Variants in PPP4R1 observed in about 807,000 individuals in gnomAD.
PPP4R1 encodes the protein serine/threonine-protein phosphatase 4 regulatory subunit 1.
A neutral mutation model predicts 111.2 loss-of-function variants in PPP4R1; 42 were observed. The observed-to-expected ratio is 0.38, with a 90% confidence interval of 0.29 to 0.49. PPP4R1 has a LOEUF of 0.49. Among genes scored for constraint, PPP4R1 ranks in the 20% least tolerant of loss-of-function variants. PPP4R1 has a pLI of 0.97. For missense variants in PPP4R1, 1,012 were observed against 1,161.6 expected (o/e 0.87, Z 1.87); for synonymous variants, 409 against 405.5 (o/e 1.01, Z -0.10).
intron 11 of PPP4R1, among the ~76,000 whole-genome samples, chr18:9,569,574 T>TCA (rs1379780409): frequency 6.6e-6 from 1 of 152,198 alleles, no homozygotes; most frequent in Non-Finnish European, 1.5e-5. Context: ...GAGTGATTTG[T>TCA]CAATCAACAA....
chr18:9,588,127 G>A lies in PPP4R1; in HGVS notation c.547C>T (p.Pro183Ser). 6.2e-7 allele frequency: 1 copy of A among 1,614,058 alleles called. No individual in the cohort carries two copies. Among genetic ancestry groups the A allele is most frequent in the African/African-American group, 1.3e-5 (1 of 75,018 alleles). The change falls in exon 6 of 20, where the codon CCA (proline) becomes TCA (serine). Residue 183 changes from proline (P) to serine (S), a missense_variant. By Grantham distance (74) the Pro-to-Ser change is moderately conservative (BLOSUM62 -1). Coordinates refer to ENST00000400556, the MANE Select transcript of PPP4R1 (RefSeq NM_001042388.3). ...GTTTTCACATCATCATTGCTATCTG[G>A]GGCTGTCAGCTCTATGAGGACAGGG... ...VCPVLIELTA[P>S]DSNDDVKTEA...
rs56233721 is a variant in PPP4R1, at chr18:9,561,188, T to C, written c.1842+792A>G. ...AAGCTGAGATGGTGCCACTGCACTC[T>C]AGCCTGGGTGACAGAGTGAGACTCC... On this transcript the variant is annotated intron_variant, in intron 13 of 19. Coordinates refer to ENST00000400556, the MANE Select transcript of PPP4R1 (RefSeq NM_001042388.3). 8.9e-3 allele frequency among the ~76,000 whole-genome samples: 1,331 copies of C among 149,286 alleles called. 20 individuals are homozygous for C. The highest frequency in any genetic ancestry group is 0.031 in the African/African-American group (1,262 of 40,798).
intron 2 of PPP4R1, chr18:9,612,360 CTG>C (rs1301482337): frequency 6.6e-6 from 1 of 152,268 alleles, no homozygotes; most frequent in Non-Finnish European, 1.5e-5. Context: ...CCAGTGGTAA[CTG>C]TAATACTGTA....
intron 10 of PPP4R1, among the ~76,000 whole-genome samples, chr18:9,574,193 T>G (rs930560925): frequency 6.6e-6 from 1 of 152,196 alleles, no homozygotes; most frequent in East Asian, 1.9e-4. Context: ...GACGTAGGTA[T>G]CAAGAGCACC....
chr18:9,609,532 G>A (rs972944889), intron 2 of PPP4R1, among the ~76,000 whole-genome samples: 2 of 152,098 alleles, frequency 1.3e-5, no homozygotes, highest in Admixed American at 6.5e-5. Context: ...CCTTAAACCC[G>A]AAAAACAGCA....
At chr18:9,572,799 C>T (rs138216534) in intron 10 of PPP4R1, among the ~76,000 whole-genome samples, 207 of 152,280 alleles carry the variant, frequency 1.4e-3, no homozygotes, top group African/African-American at 4.8e-3. Context: ...CAAAAACATA[C>T]GTAAGTCATC....
intron 11 of PPP4R1, among the ~76,000 whole-genome samples, chr18:9,567,717 G>A (rs1371714621): frequency 6.6e-6 from 1 of 152,186 alleles, no homozygotes; most frequent in African/African-American, 2.4e-5. Context: ...GTCTCCTGCA[G>A]GTAATATGCC....
rs2066415960 is a variant in PPP4R1 at position 9,547,307 on chromosome 18, CCA to C, written c.*480_*481del. On this transcript the variant is annotated 3_prime_UTR_variant, in exon 20 of 20. Coordinates refer to ENST00000400556, the MANE Select transcript of PPP4R1 (RefSeq NM_001042388.3). ...ACACAGGGCTGGGCTGGACAGCTGG[CCA>C]CAGAGCCCAGCAAGTCCTTCCTGGG... 1 of 158,958 alleles carries C rather than the reference CCA, an allele frequency of 6.3e-6. No individual in the cohort carries two copies. Among genetic ancestry groups the C allele is most frequent in the African/African-American group, 2.4e-5 (1 of 41,610 alleles). The allele number at this position is 158,958 out of a possible 1,614,324, so 9.8% of individuals were successfully genotyped here.
chr18:9,576,340 T>C (rs940905875), intron 10 of PPP4R1, among the ~76,000 whole-genome samples: 3 of 152,328 alleles, frequency 2.0e-5, no homozygotes, highest in Non-Finnish European at 2.9e-5. Flanking sequence ...TAAAAGTTTG[T>C]GTACATTTCC....
intron 13 of PPP4R1, 147 bp downstream of exon 13, chr18:9,561,833 C>T (rs1334216937): frequency 6.2e-6 from 4 of 642,468 alleles, no homozygotes; most frequent in African/African-American, 5.5e-5. Context: ...CCTCTCTCTA[C>T]TACTTCGATT....
At chr18:9,568,573 G>GC (rs1568098080) in intron 11 of PPP4R1, among the ~76,000 whole-genome samples, 6 of 152,062 alleles carry the variant, frequency 3.9e-5, no homozygotes, top group Middle Eastern at 6.8e-3. Flanking sequence ...ATATTTCTTT[G>GC]CATTTATTTG....
intron 2 of PPP4R1, among the ~76,000 whole-genome samples, chr18:9,596,976 T>A (rs992988635): frequency 3.3e-5 from 5 of 151,986 alleles, no homozygotes; most frequent in Admixed American, 1.3e-4. Flanking sequence ...AATAAATAAA[T>A]AAAATGACAG....
At chr18:9,601,341 T>A (rs1279128726) in intron 2 of PPP4R1, among the ~76,000 whole-genome samples, 1 of 151,676 alleles carries the variant, frequency 6.6e-6, no homozygotes, top group Non-Finnish European at 1.5e-5. Context: ...CTGGCCAACA[T>A]GGTAAAACCC....
chr18:9,550,464 C>A, intron 16 of PPP4R1, 66 bp from the exon 17 acceptor site: 1 of 1,489,506 alleles, frequency 6.7e-7, no homozygotes, highest in Non-Finnish European at 9.2e-7. Context: ...ATAGGTTACC[C>A]ATTTAAATCA....
At position 9,605,566 on chromosome 18, in the gene PPP4R1, C is replaced by CA. The variant is rs34208690; in HGVS notation, c.52+8659dup. Among the ~76,000 whole-genome samples the CA allele has an allele frequency of 3.7e-3, 251 of 67,612 alleles. 12 individuals carry two copies. The highest frequency in any genetic ancestry group is 0.011 in the Middle Eastern group (1 of 92). The allele number at this position is 67,612 out of a possible 152,430, so 44.4% of individuals were successfully genotyped here. ...ACTATCACTTATGTAGCAGTCCTGT[C>CA]AAAAAAAAAAAAAAAAAAAAAAAAA... On this transcript the variant is annotated intron_variant, in intron 2 of 19. Transcript: ENST00000400556.
intron 14 of PPP4R1, 128 bp from the exon 15 acceptor site, chr18:9,557,510 A>T (rs753492768): frequency 1.7e-4 from 134 of 798,438 alleles, no homozygotes; most frequent in Non-Finnish European, 2.3e-4. Context: ...AGAATAACAG[A>T]TACTAACTTT....
chr18:9,606,280 C>T (rs1474943271), intron 2 of PPP4R1, among the ~76,000 whole-genome samples: 15 of 152,118 alleles, frequency 9.9e-5, no homozygotes, highest in Non-Finnish European at 1.9e-4. Context: ...CTACAGCCAG[C>T]GAGCCAAACT....
intron 15 of PPP4R1, among the ~76,000 whole-genome samples, chr18:9,556,069 G>A (rs1026916764): frequency 2.5e-4 from 38 of 150,052 alleles, no homozygotes; most frequent in Non-Finnish European, 5.0e-4. Flanking sequence ...GCTGAGGCAG[G>A]AGAATTGCTT....
At chr18:9,579,884 AG>A (rs1454579829) in intron 9 of PPP4R1, among the ~76,000 whole-genome samples, 2 of 152,144 alleles carry the variant, frequency 1.3e-5, no homozygotes, top group Admixed American at 1.3e-4. Flanking sequence ...GGTATCCACA[AG>A]GGGTCCTGGA....
Sources: gnomAD v4.1 joint callset for allele counts (sites outside exome capture counted in the v4.1 genomes callset) on GRCh38, gnomAD v4.1.1 for gene constraint, MANE v1.5 for transcripts, NCBI Gene and HGNC (gene_info 2026-07-23, HGNC 2026-07-21) for gene names.